Variants in ADCYAP1R1 observed in about 807,000 individuals in gnomAD.
ADCYAP1R1 encodes the protein pituitary adenylate cyclase-activating polypeptide type I receptor.
Under a neutral mutation model 67.6 loss-of-function variants are expected in ADCYAP1R1, and 44 were observed. The observed-to-expected ratio is 0.65, with a 90% CI of 0.51 to 0.84. ADCYAP1R1 has a LOEUF of 0.84. ADCYAP1R1 is among the 40% of genes least tolerant of loss of function. The pLI is 0.00. For missense variants in ADCYAP1R1, 477 were observed against 587.9 expected, an observed-to-expected ratio of 0.81 and a Z score of 1.95; for synonymous variants, 222 against 219.6, an observed-to-expected ratio of 1.01 and a Z score of -0.10.
chr7:31,089,100 G>T (rs1395675796), intron 12 of ADCYAP1R1, among the ~76,000 whole-genome samples: 1 of 152,038 alleles, frequency 6.6e-6, no homozygotes, highest in Non-Finnish European at 1.5e-5. Flanking sequence ...TCCAGTTTGG[G>T]CTTTAAGTGA....
intron 3 of ADCYAP1R1, among the ~76,000 whole-genome samples, chr7:31,074,641 T>A (rs1795132666): frequency 6.6e-6 from 1 of 152,214 alleles, no homozygotes; most frequent in Non-Finnish European, 1.5e-5. Flanking sequence ...GCAGCCATGC[T>A]CCACGGCCGT....
chr7:31,106,663 T>C lies in ADCYAP1R1; in HGVS notation c.1386T>C (p.Pro462=), dbSNP rs771085816. Residue 462 remains proline (P), a synonymous_variant, in exon 16 of 16, where the codon CCT becomes CCC. Coordinates refer to ENST00000304166, the MANE Select transcript of ADCYAP1R1 (RefSeq NM_001118.5). ...SSSQIRMSGL[P]ADNLAT is the part of the protein sequence containing the mutation. ...CCCAAATCCGCATGTCTGGCCTCCC[T>C]GCTGACAATCTGGCCACCTGAGCCA... The C allele has an allele frequency of 5.0e-6, 8 of 1,610,592 alleles. No individual in the cohort carries two copies. The South Asian group carries it at 8.9e-5, about 18-fold the overall frequency.
At chr7:31,067,675 G>A (rs565642273) in intron 3 of ADCYAP1R1, among the ~76,000 whole-genome samples, 68 of 152,258 alleles carry the variant, frequency 4.5e-4, no homozygotes, top group African/African-American at 1.5e-3. Context: ...ACATGCTGTG[G>A]GTCCCAGCAC....
chr7:31,080,374 T>A (rs115993755), intron 4 of ADCYAP1R1, among the ~76,000 whole-genome samples: 2,370 of 152,280 alleles, frequency 0.016, 66 homozygotes, highest in African/African-American at 0.055. Flanking sequence ...ACTGGAGATG[T>A]GGGAGCACGG....
Position 31,107,265 on chromosome 7 carries a change from G to C in ADCYAP1R1, c.*581G>C. The C allele has an allele frequency of 6.6e-6, 1 of 152,416 alleles. No individual in the cohort carries two copies. Among genetic ancestry groups the C allele is most frequent in the Admixed American group, 6.5e-5 (1 of 15,292 alleles). 9.4% of individuals were successfully genotyped at this position (152,416 alleles called of 1,614,324 possible). A position where few individuals can be genotyped will look rare whatever the true frequency, so the allele number is the denominator to read the frequency against. On this transcript the variant is annotated 3_prime_UTR_variant, in exon 16 of 16. Transcript: ENST00000304166. ...GTGCAGGCCTCCTGGCACTCGCCTG[G>C]CATCTTGGTGTCCGGGTGCTCAGCT...
intron 3 of ADCYAP1R1, among the ~76,000 whole-genome samples, chr7:31,076,147 T>C (rs1795202126): frequency 6.6e-6 from 1 of 152,212 alleles, no homozygotes; most frequent in African/African-American, 2.4e-5. Context: ...GTAACATCCA[T>C]GAGCAGGGTG....
chr7:31,057,759 GT>G (rs1794314067), intron 1 of ADCYAP1R1, among the ~76,000 whole-genome samples: 1 of 152,228 alleles, frequency 6.6e-6, no homozygotes, highest in South Asian at 2.1e-4. Context: ...TCTGTCCCTT[GT>G]TCCTGGCCCT....
At position 31,102,698 on chromosome 7, in the gene ADCYAP1R1, TC is replaced by T. The variant is rs1305513516; in HGVS notation, c.1047-537del. Among the ~76,000 whole-genome samples, 1 of 152,088 alleles carries T rather than the reference TC, an allele frequency of 6.6e-6. No homozygotes were observed. Among genetic ancestry groups the T allele is most frequent in the Non-Finnish European group, 1.5e-5 (1 of 68,004 alleles). The stretch of plus-strand genomic sequence containing the variant: ...CTCCTAGAATCCCTCCCGAGTTTCT[TC>T]CTCTGTGATCCACTCACTGAGCCTT... On this transcript the variant is annotated intron_variant, in intron 13 of 15. Transcript: ENST00000304166. This position sits in a 1 kb window ranked among gnomAD's most constrained non-coding sequence, Gnocchi z 4.3.
Position 31,103,247 on chromosome 7 carries a change from C to A in ADCYAP1R1, c.1057C>A (p.Arg353=), listed in dbSNP as rs759578105. 1 of 1,614,026 alleles carries A rather than the reference C, an allele frequency of 6.2e-7. No individual in the cohort carries two copies. Among genetic ancestry groups the A allele is most frequent in the Admixed American group, 1.7e-5 (1 of 60,016 alleles). ...GCTTTCCTCCGACAGGCGACTGGCC[C>A]GGTCCACCCTGCTGCTCATCCCACT... is the stretch of plus-strand genomic sequence containing the variant. ...NESSIYLRLA[R]STLLLIPLFG... The change falls in exon 14 of 16, where the codon CGG becomes AGG. Residue 353 remains arginine, a synonymous_variant. Coordinates refer to ENST00000304166, the MANE Select transcript of ADCYAP1R1 (RefSeq NM_001118.5).
chr7:31,072,878 A>G (rs1795046211), intron 3 of ADCYAP1R1, among the ~76,000 whole-genome samples: 1 of 152,250 alleles, frequency 6.6e-6, no homozygotes, highest in African/African-American at 2.4e-5. Flanking sequence ...GAAAGATGGA[A>G]GCAGGAGAAT....
Position 31,081,713 on chromosome 7 carries a change from G to T in ADCYAP1R1, c.287G>T (p.Gly96Val). The change falls in exon 6 of 16, where the codon GGA (glycine) becomes GTA (valine). Residue 96 changes from glycine to valine, a missense_variant and splice_region_variant. Transcript: ENST00000304166. ...ATATGCCTATGTCTGTATTTTTCAG[G>T]AGAGTCTGATTTTGGTGACAGTAAC... ...PDQVWETETI[G>V]ESDFGDSNSL... 1 of 1,597,888 alleles carries T rather than the reference G, an allele frequency of 6.3e-7. No homozygotes were observed. Among genetic ancestry groups the T allele is most frequent in the Non-Finnish European group, 8.5e-7 (1 of 1,172,278 alleles).
rs548240645 is a variant in ADCYAP1R1 at position 31,052,628 on chromosome 7, G to T, written c.-122G>T. On this transcript the variant is annotated 5_prime_UTR_variant, in exon 1 of 16. Transcript: ENST00000304166. ...CGGGCCGCGGACTTGCAGGCTGCGC[G>T]TCCTTTGCGGAGTCTGCCCCGGCCC... is the stretch of plus-strand genomic sequence containing the variant. 1 of 151,876 alleles carries T rather than the reference G, an allele frequency of 6.6e-6. No homozygotes were observed. Among genetic ancestry groups the T allele is most frequent in the African/African-American group, 2.4e-5 (1 of 41,382 alleles). The allele number at this position is 151,876 out of a possible 1,614,324, so 9.4% of individuals were successfully genotyped here.
Position 31,106,605 on chromosome 7 carries a change from G to C in ADCYAP1R1, c.1328G>C (p.Gly443Ala). ...CTGGCCAGCAGTGGGGTGAATGGGG[G>C]CACCCAGCTCTCCATCCTGAGCAAG... ...PSLASSGVNG[G>A]TQLSILSKSS... is the part of the protein sequence containing the mutation. Residue 443 changes from glycine (G) to alanine (A), a missense_variant, in exon 16 of 16, where the codon GGC (glycine) becomes GCC (alanine). Physicochemically the swap from Gly to Ala is moderately conservative, Grantham distance 60 (BLOSUM62 0). Coordinates refer to ENST00000304166, the MANE Select transcript of ADCYAP1R1 (RefSeq NM_001118.5). The C allele has an allele frequency of 6.2e-7, 1 of 1,613,972 alleles. No individual in the cohort carries two copies. Among genetic ancestry groups the C allele is most frequent in the South Asian group, 1.1e-5 (1 of 91,064 alleles).
chr7:31,089,364 C>T (rs1169578473), intron 12 of ADCYAP1R1, among the ~76,000 whole-genome samples: 1 of 146,122 alleles, frequency 6.8e-6, no homozygotes, highest in East Asian at 2.0e-4. Context: ...GATGTTTGCT[C>T]TAGTTTTGGC....
At chr7:31,081,944 T>C (rs547177208) in intron 6 of ADCYAP1R1, among the ~76,000 whole-genome samples, 190 bp downstream of exon 6, 1 of 152,278 alleles carries the variant, frequency 6.6e-6, no homozygotes, top group African/African-American at 2.4e-5. Context: ...TAGAACATCG[T>C]GTGTAGAATT....
chr7:31,066,636 G>A (rs1794750443), intron 3 of ADCYAP1R1, among the ~76,000 whole-genome samples: 1 of 151,668 alleles, frequency 6.6e-6, no homozygotes, highest in South Asian at 2.1e-4. Flanking sequence ...AATCACTGGG[G>A]AACTTTCAGA....
In ADCYAP1R1 at chr7:31,063,033, CAGA is replaced by C. The variant is rs1479595367; in HGVS notation, c.-71-153_-71-151del. On this transcript the variant is annotated intron_variant, in intron 1 of 15. Coordinates refer to ENST00000304166, the MANE Select transcript of ADCYAP1R1 (RefSeq NM_001118.5). ...GAGTGCCTAGCACATGTTTGCAGGG[CAGA>C]AGAAGAAAGAGCAAGACGGATGCAG... 9.9e-5 allele frequency among the ~76,000 whole-genome samples: 15 copies of C among 152,162 alleles called. No homozygotes were observed. The East Asian group carries it at 2.7e-3, about 27-fold the overall frequency.
intron 13 of ADCYAP1R1, 21 bp from the exon 14 acceptor site, chr7:31,103,216 T>G (rs187067150): frequency 6.2e-7 from 1 of 1,613,146 alleles, no homozygotes; most frequent in Non-Finnish European, 8.5e-7. Context: ...CCAGAGCAGA[T>G]GTTTTGCTTT....
intron 13 of ADCYAP1R1, among the ~76,000 whole-genome samples, chr7:31,101,563 A>T (rs1393879857): frequency 2.0e-5 from 3 of 152,104 alleles, no homozygotes; most frequent in African/African-American, 7.2e-5. Context: ...GTTTCTGGCC[A>T]TTTTCCTCTG....
Sources: allele counts gnomAD v4.1 joint callset (sites outside exome capture counted in the v4.1 genomes callset), GRCh38; gene constraint gnomAD v4.1.1; non-coding constraint Gnocchi (gnomAD v3.1); transcripts MANE v1.5; gene names NCBI Gene and HGNC (gene_info 2026-07-23, HGNC 2026-07-21).